The following FRMD3 variants were observed in gnomAD, a reference collection of about 807,000 sequenced individuals.
FRMD3 encodes FERM domain-containing protein 3.
Under a neutral mutation model 70.2 loss-of-function variants are expected in FRMD3, and 33 were observed. The observed-to-expected ratio is 0.47, with a 90% CI of 0.36 to 0.63. The LOEUF is 0.63. FRMD3 is among the 20% of genes least tolerant of loss of function. The pLI, the probability that FRMD3 is intolerant of heterozygous loss-of-function variation, is 0.00. For missense variants in FRMD3, 632 were observed against 711.4 expected (o/e 0.89, Z 1.27); for synonymous variants, 279 against 255.9 (o/e 1.09, Z -0.86).
intron 1 of FRMD3, among the ~76,000 whole-genome samples, chr9:83,446,529 C>T (rs1332443890): frequency 6.6e-6 from 1 of 151,800 alleles, no homozygotes; most frequent in Non-Finnish European, 1.5e-5. Flanking sequence ...CGCCTGTAGT[C>T]CCAGCTACTC....
intron 13 of FRMD3, among the ~76,000 whole-genome samples, chr9:83,262,409 A>G (rs1833033409): frequency 1.3e-5 from 2 of 152,120 alleles, no homozygotes; most frequent in Admixed American, 6.5e-5. Context: ...TTCATTTTCA[A>G]AGTTATCCCT....
chr9:83,355,762 A>G (rs1824314999), intron 3 of FRMD3, among the ~76,000 whole-genome samples: 1 of 152,238 alleles, frequency 6.6e-6, no homozygotes, highest in Non-Finnish European at 1.5e-5. Flanking sequence ...AATGGGGAAG[A>G]CTGAATTGAA....
In FRMD3 at chr9:83,407,878, T is replaced by TTCTCTCTCTCTC. The variant is rs147066768; in HGVS notation, c.148-18182_148-18171dup. Among the ~76,000 whole-genome samples, 158 of 89,068 alleles carry TTCTCTCTCTCTC rather than the reference T, an allele frequency of 1.8e-3. 1 individual carries two copies. Among genetic ancestry groups the TTCTCTCTCTCTC allele is most frequent in the African/African-American group, 4.2e-3 (81 of 19,234 alleles). 58.4% of individuals were successfully genotyped at this position (89,068 alleles called of 152,430 possible). A position where few individuals can be genotyped will look rare whatever the true frequency, so the allele number is the denominator to read the frequency against. ...CTCTCTCTCTCTCTCTCTCTCATCT[T>TTCTCTCTCTCTC]TCTCTCTCTCTCTCTCTCTCTCTCT... On this transcript the variant is annotated intron_variant, in intron 1 of 13. Transcript: ENST00000304195.
At chr9:83,414,463 T>C (rs897035164) in intron 1 of FRMD3, among the ~76,000 whole-genome samples, 2 of 151,832 alleles carry the variant, frequency 1.3e-5, no homozygotes, top group Non-Finnish European at 2.9e-5. Flanking sequence ...GCACTAACTA[T>C]ATAAGAAAAA....
intron 13 of FRMD3, among the ~76,000 whole-genome samples, chr9:83,277,658 G>A (rs949742132): frequency 2.0e-5 from 3 of 152,200 alleles, no homozygotes; most frequent in African/African-American, 7.2e-5. Context: ...ACCACACTTG[G>A]TCTAGTATTG....
rs374918709 is a variant in FRMD3, at chr9:83,488,457, G to A, written c.147+49628C>T. On this transcript the variant is annotated intron_variant, in intron 1 of 13. Transcript: ENST00000304195. ...AGTGAAAATTGATCAACAGTGAAAGGAAGCACCCAACTACTTAAAACTATG... is the reference window on the plus strand; with the variant it reads ...AGTGAAAATTGATCAACAGTGAAAGAAAGCACCCAACTACTTAAAACTATG... 1.5e-4 allele frequency among the ~76,000 whole-genome samples: 23 copies of A among 152,276 alleles called. No homozygotes were observed. The South Asian group carries it at 4.1e-3, about 27-fold the overall frequency.
intron 13 of FRMD3, among the ~76,000 whole-genome samples, chr9:83,281,006 G>A (rs1833958240): frequency 6.6e-6 from 1 of 152,122 alleles, no homozygotes; most frequent in South Asian, 2.1e-4. Flanking sequence ...TGCCTGTATT[G>A]CCTCAGATCT....
chr9:83,433,987 C>T (rs1827057878), intron 1 of FRMD3, among the ~76,000 whole-genome samples: 1 of 152,202 alleles, frequency 6.6e-6, no homozygotes, highest in Non-Finnish European at 1.5e-5. Flanking sequence ...CACCATCTTG[C>T]TCTATTCTGC....
At chr9:83,243,324 G>C, downstream of FRMD3, 1 of 1,133,842 alleles carries the variant, frequency 8.8e-7, no homozygotes, top group Non-Finnish European at 1.3e-6. Context: ...CCTGTAGAGA[G>C]TGGCCCAGAG....
chr9:83,351,269 A>G (rs901127607), intron 3 of FRMD3, among the ~76,000 whole-genome samples: 3 of 151,884 alleles, frequency 2.0e-5, no homozygotes, highest in Admixed American at 1.3e-4. Flanking sequence ...CATCTAAATT[A>G]CAAAAAAAAA....
At chr9:83,548,128 T>G in the FRMD3 span, among the ~76,000 whole-genome samples, 1 of 152,208 alleles carries the variant, frequency 6.6e-6, no homozygotes, top group Admixed American at 6.5e-5. Flanking sequence ...GGTGGAAATG[T>G]AAAATGGTAC....
intron 2 of FRMD3, among the ~76,000 whole-genome samples, chr9:83,376,272 C>T (rs1050595119): frequency 6.6e-6 from 1 of 151,614 alleles, no homozygotes; most frequent in Non-Finnish European, 1.5e-5. Flanking sequence ...CAAGAATCTT[C>T]ACTGCAATAT....
chr9:83,291,315 T>C (rs1323779), intron 12 of FRMD3, among the ~76,000 whole-genome samples: 1 of 152,048 alleles, frequency 6.6e-6, no homozygotes, highest in Admixed American at 6.5e-5. Flanking sequence ...TGGCTGAGAC[T>C]AGCAACAGAT....
upstream of FRMD3, among the ~76,000 whole-genome samples, chr9:83,540,459 T>C (rs1829987128): frequency 6.6e-6 from 1 of 152,166 alleles, no homozygotes; most frequent in Non-Finnish European, 1.5e-5. Flanking sequence ...AAACAGAATT[T>C]TGAAGAAATG....
intron 3 of FRMD3, among the ~76,000 whole-genome samples, chr9:83,353,650 A>C (rs1456647337): frequency 2.0e-5 from 3 of 152,240 alleles, no homozygotes; most frequent in Non-Finnish European, 4.4e-5. Context: ...CCTCTGACAG[A>C]ATCAAAATAC....
At chr9:83,451,710 AAAATGAGCTGGCCAG>A (rs1451545098) in intron 1 of FRMD3, among the ~76,000 whole-genome samples, 9 of 152,204 alleles carry the variant, frequency 5.9e-5, no homozygotes, top group Non-Finnish European at 1.2e-4. Context: ...TCACTCACCC[AAAATGAGCTGGCCAG>A]AGGACCAGTC....
intron 1 of FRMD3, among the ~76,000 whole-genome samples, chr9:83,395,397 T>C (rs1212893637): frequency 6.6e-6 from 1 of 152,104 alleles, no homozygotes; most frequent in African/African-American, 2.4e-5. Flanking sequence ...ACTTGTGTCA[T>C]GGGGGTTTGT....
chr9:83,528,058 C>T (rs947162479), intron 1 of FRMD3, among the ~76,000 whole-genome samples: 3 of 152,150 alleles, frequency 2.0e-5, no homozygotes, highest in Admixed American at 2.0e-4. Flanking sequence ...GAAGTAACAA[C>T]TTAATAATTC....
intron 1 of FRMD3, among the ~76,000 whole-genome samples, chr9:83,447,922 G>T (rs1827530181): frequency 6.6e-6 from 1 of 152,168 alleles, no homozygotes; most frequent in African/African-American, 2.4e-5. Flanking sequence ...AATTAAATGA[G>T]ATATTATTTA....
Sources: allele counts gnomAD v4.1 joint callset (sites outside exome capture counted in the v4.1 genomes callset), GRCh38; gene constraint gnomAD v4.1.1; transcripts MANE v1.5; gene names NCBI Gene and HGNC (gene_info 2026-07-23, HGNC 2026-07-21).